CAPN6: variants seen among roughly 807,000 people sequenced by gnomAD.
CAPN6 encodes calpain-6.
Under a neutral mutation model 46.0 loss-of-function variants are expected in CAPN6, and 16 were observed. The observed-to-expected ratio is 0.35, with a 90% CI of 0.24 to 0.53. CAPN6 has a LOEUF of 0.53. Ranked by LOEUF, CAPN6 falls within the 20% of genes least tolerant of loss-of-function variation. The probability of loss-of-function intolerance (pLI) is 0.94; values close to 1 mark genes in which losing one functional copy is unlikely to be tolerated. For synonymous variants in CAPN6, 206 were observed against 172.8 expected (o/e 1.19, Z -1.51); for missense variants, 461 against 498.0 (o/e 0.93, Z 0.71).
intron 2 of CAPN6, among the ~76,000 whole-genome samples, chrX:111,260,698 T>G (rs1428396688): frequency 8.9e-6 from 1 of 111,834 alleles, no homozygotes; most frequent in Non-Finnish European, 1.9e-5. Context: ...ATCCACAGCT[T>G]TTGGAGGAGG....
In CAPN6 at chrX:111,247,879, G is replaced by A; in HGVS notation, c.1598C>T (p.Ala533Val). 1 of 1,208,430 alleles carries A rather than the reference G, an allele frequency of 8.3e-7. No homozygotes were observed. Among genetic ancestry groups the A allele is most frequent in the Non-Finnish European group, 1.1e-6 (1 of 893,716 alleles). The change falls in exon 11 of 13, where the codon GCC becomes GTC. Residue 533 changes from alanine to valine, a missense_variant. Coordinates refer to ENST00000324068, the MANE Select transcript of CAPN6 (RefSeq NM_014289.4). The part of the protein sequence containing the change: ...HSAEDLEKKY[A>V]NETVNPYLVI... ...ATTCCTGCCATTCTTACTTTCATTG[G>A]CATACTTCTTCTCCAGGTCCTCAGC...
In CAPN6 at chrX:111,246,624, G is replaced by C; in HGVS notation, c.1879C>G (p.His627Asp). ...CTGGAAATAACCTTGAAGCTGATGT[G>C]GCCTTGCTTGACTTTGGCAGTTGGA... ...GGPTAKVKQG[H>D]ISFKVISSDD... is the part of the protein sequence containing the mutation. The change falls in exon 13 of 13, where the codon CAC becomes GAC. Residue 627 changes from histidine (H) to aspartate (D), a missense_variant. Transcript: ENST00000324068. 1 of 1,211,018 alleles carries C rather than the reference G, an allele frequency of 8.3e-7. No individual in the cohort carries two copies. Among genetic ancestry groups the C allele is most frequent in the Non-Finnish European group, 1.1e-6 (1 of 894,994 alleles).
chrX:111,259,299 A>G (rs1432841791), intron 2 of CAPN6, among the ~76,000 whole-genome samples: 1 of 112,722 alleles, frequency 8.9e-6, no homozygotes, highest in Non-Finnish European at 1.9e-5. Flanking sequence ...TCAATTGTGT[A>G]AACAGTGGAA....
chrX:111,252,200 A>T, intron 5 of CAPN6, 107 bp downstream of exon 5: 1 of 608,468 alleles, frequency 1.6e-6, no homozygotes, highest in Non-Finnish European at 2.5e-6. Flanking sequence ...AAGTCCCATT[A>T]ATAGTTTTTC....
intron 2 of CAPN6, among the ~76,000 whole-genome samples, chrX:111,254,725 C>A (rs1487571859): frequency 9.0e-6 from 1 of 111,000 alleles, no homozygotes; most frequent in South Asian, 3.9e-4. Flanking sequence ...CAGCAGTGAA[C>A]TTTCCAAAAA....
intron 2 of CAPN6, among the ~76,000 whole-genome samples, chrX:111,257,714 G>A (rs1220634793): frequency 1.8e-5 from 2 of 111,866 alleles, no homozygotes; most frequent in African/African-American, 6.5e-5. Flanking sequence ...AAGCTGAGAT[G>A]CAGAGTGCAG....
At chrX:111,252,585 G>T in intron 4 of CAPN6, 86 bp from the exon 5 acceptor site, 1 of 741,324 alleles carries the variant, frequency 1.3e-6, no homozygotes, top group Non-Finnish European at 1.9e-6. Flanking sequence ...AACATCCCCT[G>T]CCTAGACTTT....
At chrX:111,255,403 C>T (rs1455425136) in intron 2 of CAPN6, among the ~76,000 whole-genome samples, 2 of 112,155 alleles carry the variant, frequency 1.8e-5, no homozygotes, top group Non-Finnish European at 3.8e-5. Flanking sequence ...GCATACATGA[C>T]ACTACATAGT....
Position 111,246,390 on chromosome X carries a change from GTA to G in CAPN6, c.*185_*186del, listed in dbSNP as rs1335678514. 6.9e-6 allele frequency: 3 copies of G among 436,984 alleles called. No homozygotes were observed. Among genetic ancestry groups the G allele is most frequent in the African/African-American group, 5.0e-5 (2 of 40,129 alleles). 36.0% of individuals were successfully genotyped at this position (436,984 alleles called of 1,213,427 possible). A position where few individuals can be genotyped will look rare whatever the true frequency, so the allele number is the denominator to read the frequency against. Reference sequence around the variant, plus strand: ...GCCTCCCCATGTCCAGCTGCTGGAGGTATATAGGTTATGTAGCTACAGATGCT... The same window carrying G: ...GCCTCCCCATGTCCAGCTGCTGGAGGTATAGGTTATGTAGCTACAGATGCT... On this transcript the variant is annotated 3_prime_UTR_variant, in exon 13 of 13. Coordinates refer to ENST00000324068, the MANE Select transcript of CAPN6 (RefSeq NM_014289.4).
At chrX:111,250,071 T>A (rs1380800704) in intron 8 of CAPN6, among the ~76,000 whole-genome samples, 2 of 110,294 alleles carry the variant, frequency 1.8e-5, no homozygotes, top group Admixed American at 1.9e-4. Context: ...TGGGGGGAGA[T>A]AGGATATTTC....
intron 3 of CAPN6, 22 bp from the exon 4 acceptor site, chrX:111,253,238 A>G (rs1019891721): frequency 1.6e-5 from 18 of 1,114,029 alleles, no homozygotes; most frequent in Non-Finnish European, 2.0e-5. Context: ...AGAACATTTA[A>G]TCAAGTGTTA....
At chrX:111,254,924 A>G (rs1010818749) in intron 2 of CAPN6, among the ~76,000 whole-genome samples, 1 of 111,766 alleles carries the variant, frequency 8.9e-6, no homozygotes, top group African/African-American at 3.3e-5. Context: ...TCTAACATAA[A>G]GCAAAAGCAA....
rs141738051 is a variant in CAPN6 at position 111,253,126 on chromosome X, C to T, written c.388G>A (p.Glu130Lys). The change falls in exon 4 of 13, where the codon GAA becomes AAA. Residue 130 changes from glutamate (E) to lysine (K), a missense_variant. By Grantham distance (56) the Glu-to-Lys change is moderately conservative (BLOSUM62 1). Coordinates refer to ENST00000324068, the MANE Select transcript of CAPN6 (RefSeq NM_014289.4). ...IFHFRFWHFGEWTEVVIDDLL... is the reference protein window; with the variant it reads ...IFHFRFWHFGKWTEVVIDDLL... ...TCATCAATCACCACTTCAGTCCATT[C>T]TCCAAAATGCCAGAAACGAAAGTGA... is the stretch of plus-strand genomic sequence containing the variant. 11 of 1,209,171 alleles carry T rather than the reference C, an allele frequency of 9.1e-6. No homozygotes were observed. In the African/African-American group the frequency reaches 1.7e-4, roughly 19 times the overall value.
chrX:111,252,342 A>T lies in CAPN6; in HGVS notation c.664T>A (p.Phe222Ile). Residue 222 changes from phenylalanine (F) to isoleucine (I), a missense_variant, in exon 5 of 13, where the codon TTT becomes ATT. Physicochemically the swap from Phe to Ile is conservative, Grantham distance 21. Coordinates refer to ENST00000324068, the MANE Select transcript of CAPN6 (RefSeq NM_014289.4). Reference protein sequence around the residue: ...YKLFGELYKTFTKGGLICCSI... With the variant: ...YKLFGELYKTITKGGLICCSI... ...CAGCAGATCAGACCACCTTTGGTAA[A>T]TGTTTTGTACAGTTCTCCGAATAGC... 1 of 1,208,908 alleles carries T rather than the reference A, an allele frequency of 8.3e-7. No individual in the cohort carries two copies.
chrX:111,247,396 C>T lies in CAPN6; in HGVS notation c.1715G>A (p.Arg572Lys), dbSNP rs761919477. Residue 572 changes from arginine to lysine, a missense_variant, in exon 12 of 13, where the codon AGG (arginine) becomes AAG (lysine). Physicochemically the swap from Arg to Lys is conservative, Grantham distance 26. Coordinates refer to ENST00000324068, the MANE Select transcript of CAPN6 (RefSeq NM_014289.4). ...TACTATAATAGGAATGTCAGTGGTC[C>T]TTCTGTAGAAAATGGCCTGGGTGTC... ...IFDTQAIFYR[R>K]TTDIPIIVQV... The T allele has an allele frequency of 1.7e-6, 2 of 1,206,331 alleles. No homozygotes were observed. The highest frequency in any genetic ancestry group is 2.2e-6 in the Non-Finnish European group (2 of 893,822).
chrX:111,260,593 G>A (rs1275488901), intron 2 of CAPN6, among the ~76,000 whole-genome samples: 3 of 112,015 alleles, frequency 2.7e-5, no homozygotes, highest in African/African-American at 9.7e-5. Flanking sequence ...ATTCAGAGAG[G>A]CCCAGCTCTG....
chrX:111,253,040 A>G lies in CAPN6; in HGVS notation c.474T>C (p.Phe158=), dbSNP rs749543751. 3.3e-6 allele frequency: 4 copies of G among 1,209,659 alleles called. No individual in the cohort carries two copies. The African/African-American group carries it at 7.0e-5, about 21-fold the overall frequency. Residue 158 remains phenylalanine (F), a synonymous_variant, in exon 4 of 13, where the codon TTT becomes TTC. Coordinates refer to ENST00000324068, the MANE Select transcript of CAPN6 (RefSeq NM_014289.4). ...AAGCTTTTTCCAGCAGAGCATTCCAAAACTCATTCATGGAAGTGGAGAAAG... is the reference window on the plus strand; with the variant it reads ...AAGCTTTTTCCAGCAGAGCATTCCAGAACTCATTCATGGAAGTGGAGAAAG... The part of the protein sequence containing the change: ...VFSFSTSMNE[F]WNALLEKAYA...
chrX:111,266,205 GC>G (rs1336371282), intron 1 of CAPN6, among the ~76,000 whole-genome samples: 3 of 86,639 alleles, frequency 3.5e-5, no homozygotes, highest in African/African-American at 1.5e-4. Context: ...TTGCACTCCA[GC>G]CTGGGCAACA....
At chrX:111,266,962 G>A (rs1005687601) in intron 1 of CAPN6, among the ~76,000 whole-genome samples, 16 of 112,229 alleles carry the variant, frequency 1.4e-4, no homozygotes, top group African/African-American at 4.2e-4. Flanking sequence ...ACATCGGCGG[G>A]TTCATCATTT....
Sources: gnomAD v4.1 joint callset for allele counts (sites outside exome capture counted in the v4.1 genomes callset) on GRCh38, gnomAD v4.1.1 for gene constraint, MANE v1.5 for transcripts, NCBI Gene and HGNC (gene_info 2026-07-23, HGNC 2026-07-21) for gene names.